The following SETD3 variants were observed in gnomAD, a reference collection of about 807,000 sequenced individuals.
The protein encoded by SETD3 is SET domain containing 3, actin N3(tau)-histidine methyltransferase, also known as actin-histidine N-methyltransferase.
A neutral mutation model predicts 63.0 loss-of-function variants in SETD3; 19 were observed. The ratio of observed to expected loss-of-function variants is 0.30; its 90% CI spans 0.21 to 0.44. SETD3 has a LOEUF of 0.44. Ranked by LOEUF, SETD3 falls within the 20% of genes least tolerant of loss-of-function variation. SETD3 has a pLI of 1.00. For synonymous variants in SETD3, 286 were observed against 264.1 expected (o/e 1.08, Z -0.80); for missense variants, 587 against 728.5 (o/e 0.81, Z 2.24).
intron 6 of SETD3, among the ~76,000 whole-genome samples, chr14:99,415,383 C>T (rs1410588738): frequency 6.6e-6 from 1 of 152,132 alleles, no homozygotes; most frequent in South Asian, 2.1e-4. Context: ...AACTGGAATG[C>T]TAAATCTCAA....
intron 1 of SETD3, among the ~76,000 whole-genome samples, chr14:99,474,960 G>A (rs765658591): frequency 6.6e-6 from 1 of 151,888 alleles, no homozygotes; most frequent in Non-Finnish European, 1.5e-5. Flanking sequence ...TACATAGTAG[G>A]TTTTAGTTTT....
At chr14:99,436,301 A>T (rs1393917202) in intron 6 of SETD3, among the ~76,000 whole-genome samples, 1 of 152,156 alleles carries the variant, frequency 6.6e-6, no homozygotes, top group Non-Finnish European at 1.5e-5. Context: ...TTCATCAAAC[A>T]GCTTGTGTCG....
rs1485305743 is a variant in SETD3, at chr14:99,400,189, A to G, written c.1248T>C (p.Phe416=). 8 of 1,614,080 alleles carry G rather than the reference A, an allele frequency of 5.0e-6. No homozygotes were observed. The highest frequency in any genetic ancestry group is 6.8e-6 in the Non-Finnish European group (8 of 1,180,032). The change falls in exon 12 of 13, where the codon TTT becomes TTC. Residue 416 remains phenylalanine (F), a synonymous_variant. Transcript: ENST00000331768. ...DRIFTLGNSE[F]PVSWDNEVKL... ...TGACCTCGTTGTCCCAGCTAACAGG[A>G]AATTCCGAGTTCCCCAAGGTGAAGA...
At chr14:99,476,260 G>A (rs987280746) in intron 1 of SETD3, among the ~76,000 whole-genome samples, 4 of 152,214 alleles carry the variant, frequency 2.6e-5, no homozygotes, top group African/African-American at 9.6e-5. Context: ...TATTTCATGA[G>A]TTCGGCTCAA....
chr14:99,430,654 C>G (rs1172883349), intron 6 of SETD3, among the ~76,000 whole-genome samples: 1 of 152,182 alleles, frequency 6.6e-6, no homozygotes, highest in Non-Finnish European at 1.5e-5. Flanking sequence ...TCTCAGGCCT[C>G]TAGGGGCTCA....
At chr14:99,461,091 G>C in intron 4 of SETD3, 101 bp downstream of exon 4, 1 of 1,399,106 alleles carries the variant, frequency 7.1e-7, no homozygotes, top group East Asian at 2.3e-5. Context: ...CTCAGAACTA[G>C]AACTCCCCCA....
intron 6 of SETD3, among the ~76,000 whole-genome samples, chr14:99,416,432 T>C (rs1892294733): frequency 6.6e-6 from 1 of 152,228 alleles, no homozygotes; most frequent in South Asian, 2.1e-4. Context: ...TTGATTACAA[T>C]AGCCTTTTCA....
chr14:99,405,282 T>A lies in SETD3; in HGVS notation c.1014A>T (p.Lys338Asn). Reference protein sequence around the residue: ...FFDNNSHDRVKIKLGVSKSDR... With the variant: ...FFDNNSHDRVNIKLGVSKSDR... ...CACTTTTACTCACTCCAAGCTTTATTTTCACTCTGTCGTGTGAGTTATTGT... is the reference window on the plus strand; with the variant it reads ...CACTTTTACTCACTCCAAGCTTTATATTCACTCTGTCGTGTGAGTTATTGT... Residue 338 changes from lysine (K) to asparagine (N), a missense_variant, in exon 10 of 13, where the codon AAA becomes AAT. Coordinates refer to ENST00000331768, the MANE Select transcript of SETD3 (RefSeq NM_032233.3). 6.2e-7 allele frequency: 1 copy of A among 1,614,214 alleles called. No individual in the cohort carries two copies. The highest frequency in any genetic ancestry group is 8.5e-7 in the Non-Finnish European group (1 of 1,180,038).
At chr14:99,402,381 C>T (rs1327549532) in intron 11 of SETD3, among the ~76,000 whole-genome samples, 2 of 152,300 alleles carry the variant, frequency 1.3e-5, no homozygotes, top group African/African-American at 2.4e-5. Flanking sequence ...TGAGCAACCT[C>T]GGCCAAGTTA....
At chr14:99,419,591 C>T (rs1314236978) in intron 6 of SETD3, among the ~76,000 whole-genome samples, 5 of 151,910 alleles carry the variant, frequency 3.3e-5, no homozygotes, top group African/African-American at 7.2e-5. Flanking sequence ...CCGGCTAAAA[C>T]GGTGAAACCC....
chr14:99,462,933 A>G lies in SETD3; in HGVS notation c.196+553T>C, dbSNP rs538906771. 4.6e-5 allele frequency among the ~76,000 whole-genome samples: 7 copies of G among 152,310 alleles called. No homozygotes were observed. In the South Asian group the frequency reaches 1.2e-3, roughly 27 times the overall value. On this transcript the variant is annotated intron_variant, in intron 3 of 12. Coordinates refer to ENST00000331768, the MANE Select transcript of SETD3 (RefSeq NM_032233.3). Reference sequence around the variant, plus strand: ...ATAATCTTTACTTTTTGTGCTTTACAGAACAAAAACAATAGGTATAGTGAA... The same window carrying G: ...ATAATCTTTACTTTTTGTGCTTTACGGAACAAAAACAATAGGTATAGTGAA...
At chr14:99,435,954 T>C (rs1197109273) in intron 6 of SETD3, among the ~76,000 whole-genome samples, 1 of 152,142 alleles carries the variant, frequency 6.6e-6, no homozygotes, top group Non-Finnish European at 1.5e-5. Context: ...AGAGGTTTAA[T>C]TGACTCACAG....
intron 1 of SETD3, among the ~76,000 whole-genome samples, chr14:99,477,860 AATT>A (rs1477086783): frequency 6.6e-6 from 1 of 151,884 alleles, no homozygotes; most frequent in African/African-American, 2.4e-5. Flanking sequence ...TATGTAAATT[AATT>A]CTATTTGCAT....
chr14:99,407,472 T>C (rs1425847543), intron 8 of SETD3, among the ~76,000 whole-genome samples: 1 of 152,258 alleles, frequency 6.6e-6, no homozygotes, highest in Non-Finnish European at 1.5e-5. Context: ...TCTTGGAACC[T>C]AGTCTCAAAA....
At chr14:99,481,093 C>A, upstream of SETD3, 1 of 233,976 alleles carries the variant, frequency 4.3e-6, no homozygotes, top group Non-Finnish European at 8.2e-6. Context: ...TGGCTGCGTT[C>A]GCCCCCGCCA....
intron 6 of SETD3, among the ~76,000 whole-genome samples, chr14:99,415,251 A>C (rs1266006877): frequency 6.6e-6 from 1 of 152,194 alleles, no homozygotes; most frequent in Non-Finnish European, 1.5e-5. Flanking sequence ...AATTCATTTA[A>C]ACTGTAGAAT....
intron 1 of SETD3, among the ~76,000 whole-genome samples, chr14:99,475,998 TG>T (rs1895953289): frequency 1.3e-5 from 2 of 152,366 alleles, no homozygotes; most frequent in Admixed American, 1.3e-4. Context: ...GGATCATCCT[TG>T]CCATGTCCTG....
In SETD3 at chr14:99,454,518, G is replaced by A. The variant is rs151237438; in HGVS notation, c.675+3761C>T. ...GAAATACTAACATAAGATACTGAAGGGACAGGAGAAGTGATTTAAAACAAA... is the reference window on the plus strand; with the variant it reads ...GAAATACTAACATAAGATACTGAAGAGACAGGAGAAGTGATTTAAAACAAA... On this transcript the variant is annotated intron_variant, in intron 6 of 12. Transcript: ENST00000331768. Among the ~76,000 whole-genome samples the A allele has an allele frequency of 9.8e-4, 149 of 152,196 alleles. 1 individual carries two copies. Among genetic ancestry groups the A allele is most frequent in the African/African-American group, 3.4e-3 (143 of 41,526 alleles).
At chr14:99,481,478 G>T, upstream of SETD3, 1 of 398,698 alleles carries the variant, frequency 2.5e-6, no homozygotes, top group South Asian at 1.3e-4. Context: ...CTGAAGCGAG[G>T]GGTGAGTGAC....
Sources: allele counts gnomAD v4.1 joint callset (sites outside exome capture counted in the v4.1 genomes callset), GRCh38; gene constraint gnomAD v4.1.1; transcripts MANE v1.5; gene names NCBI Gene and HGNC (gene_info 2026-07-23, HGNC 2026-07-21).